ZMAT4: variants seen among roughly 807,000 people sequenced by gnomAD.
The protein encoded by ZMAT4 is zinc finger matrin-type 4, also known as zinc finger matrin-type protein 4.
Under a neutral mutation model 28.7 loss-of-function variants are expected in ZMAT4, and 17 were observed. The ratio of observed to expected loss-of-function variants is 0.59; its 90% CI spans 0.41 to 0.89. The LOEUF is 0.89. ZMAT4 is among the 40% of genes least tolerant of loss of function. The pLI is 0.00. For missense variants in ZMAT4, 240 were observed against 283.8 expected (o/e 0.85, Z 1.11); for synonymous variants, 117 against 109.2 (o/e 1.07, Z -0.44).
At chr8:40,561,807 G>C (rs1272031501) in intron 6 of ZMAT4, among the ~76,000 whole-genome samples, 3 of 152,154 alleles carry the variant, frequency 2.0e-5, no homozygotes, top group Non-Finnish European at 4.4e-5. Flanking sequence ...GCTATCATTA[G>C]TGTTCGTGTA....
At chr8:40,716,105 A>T (rs892733765) in intron 3 of ZMAT4, among the ~76,000 whole-genome samples, 1 of 152,226 alleles carries the variant, frequency 6.6e-6, no homozygotes, top group Non-Finnish European at 1.5e-5. Flanking sequence ...TAAAGAAAAG[A>T]TATAACTTTA....
At chr8:40,643,172 A>G (rs1807127363) in intron 5 of ZMAT4, among the ~76,000 whole-genome samples, 1 of 152,114 alleles carries the variant, frequency 6.6e-6, no homozygotes, top group Non-Finnish European at 1.5e-5. Context: ...GTGCCCACAC[A>G]CTAGATAAGA....
chr8:40,572,788 G>T (rs1053945549), intron 6 of ZMAT4, among the ~76,000 whole-genome samples: 2 of 152,112 alleles, frequency 1.3e-5, no homozygotes, highest in Non-Finnish European at 2.9e-5. Context: ...ACAATGGAGA[G>T]AAATTTGACT....
chr8:40,588,283 T>C (rs1327397584), intron 5 of ZMAT4, among the ~76,000 whole-genome samples: 2 of 152,018 alleles, frequency 1.3e-5, no homozygotes, highest in Non-Finnish European at 2.9e-5. Flanking sequence ...AATTAGATTT[T>C]ATAAAAAGCA....
chr8:40,843,379 G>T (rs577427797), intron 1 of ZMAT4, among the ~76,000 whole-genome samples: 1 of 152,278 alleles, frequency 6.6e-6, no homozygotes, highest in African/African-American at 2.4e-5. Flanking sequence ...CCCAGCAGGA[G>T]CTCATGGGGC....
At chr8:40,720,945 T>TTTTG (rs976713860) in intron 3 of ZMAT4, among the ~76,000 whole-genome samples, 1 of 148,684 alleles carries the variant, frequency 6.7e-6, no homozygotes, top group African/African-American at 2.5e-5. Context: ...GAAAGCTATT[T>TTTTG]TTTGTTTGTT....
intron 1 of ZMAT4, among the ~76,000 whole-genome samples, chr8:40,832,745 G>C (rs1001038577): frequency 6.6e-6 from 1 of 152,182 alleles, no homozygotes; most frequent in Admixed American, 6.5e-5. Context: ...GAGGCCTTCC[G>C]CTGTTGTTTA....
intron 2 of ZMAT4, among the ~76,000 whole-genome samples, chr8:40,769,426 C>T (rs1321534779): frequency 2.0e-5 from 3 of 152,158 alleles, no homozygotes; most frequent in African/African-American, 7.2e-5. Context: ...AGCTTACTAA[C>T]ATCTGTACAT....
chr8:40,892,077 C>G (rs1818712350), intron 1 of ZMAT4, among the ~76,000 whole-genome samples: 1 of 152,180 alleles, frequency 6.6e-6, no homozygotes, highest in African/African-American at 2.4e-5. Context: ...GCACTCTCCA[C>G]TGGGCCACCA....
chr8:40,606,576 G>T (rs1314740089), intron 5 of ZMAT4, among the ~76,000 whole-genome samples: 1 of 152,194 alleles, frequency 6.6e-6, no homozygotes, highest in Admixed American at 6.5e-5. Flanking sequence ...TTCCTTTACA[G>T]GTTACCTGAT....
At chr8:40,625,703 G>A (rs1432347468) in intron 5 of ZMAT4, among the ~76,000 whole-genome samples, 1 of 152,138 alleles carries the variant, frequency 6.6e-6, no homozygotes, top group African/African-American at 2.4e-5. Flanking sequence ...TTAAGGCTGA[G>A]ATATTTAGTA....
chr8:40,822,273 G>A (rs1204838382), intron 2 of ZMAT4, among the ~76,000 whole-genome samples: 2 of 152,194 alleles, frequency 1.3e-5, no homozygotes, highest in Non-Finnish European at 2.9e-5. Context: ...TATAGGTTCA[G>A]AATCCCCTGC....
chr8:40,611,994 C>T (rs933984468), intron 5 of ZMAT4, among the ~76,000 whole-genome samples: 2 of 152,092 alleles, frequency 1.3e-5, no homozygotes, highest in Non-Finnish European at 2.9e-5. Context: ...TGGAGTAGTC[C>T]AGCACATGGG....
chr8:40,536,904 GAA>G (rs33947310), intron 6 of ZMAT4, among the ~76,000 whole-genome samples: 8 of 143,710 alleles, frequency 5.6e-5, no homozygotes, highest in Non-Finnish European at 1.1e-4. Flanking sequence ...GGGGTTTGGA[GAA>G]AAAAAAAAAG....
intron 5 of ZMAT4, among the ~76,000 whole-genome samples, chr8:40,667,408 C>A (rs753056346): frequency 2.0e-5 from 3 of 152,208 alleles, no homozygotes; most frequent in Non-Finnish European, 4.4e-5. Context: ...CCCACCTTGG[C>A]CTCCCAAAGT....
chr8:40,694,957 C>A (rs1431972315), intron 4 of ZMAT4, among the ~76,000 whole-genome samples: 1 of 152,152 alleles, frequency 6.6e-6, no homozygotes, highest in Non-Finnish European at 1.5e-5. Flanking sequence ...AGGGTCCTGC[C>A]CCACACCCAG....
chr8:40,854,473 G>A (rs1220792961), intron 1 of ZMAT4, among the ~76,000 whole-genome samples: 2 of 152,206 alleles, frequency 1.3e-5, no homozygotes, highest in Non-Finnish European at 2.9e-5. Flanking sequence ...CCTCAGTGAT[G>A]ACAAAATGGA....
At chr8:40,602,436 GA>G (rs1277561285) in intron 5 of ZMAT4, among the ~76,000 whole-genome samples, 1 of 152,110 alleles carries the variant, frequency 6.6e-6, no homozygotes, top group Non-Finnish European at 1.5e-5. Flanking sequence ...ATTCTTTAAG[GA>G]ATCTCCACAC....
At chr8:40,596,871 T>C (rs144174375) in intron 5 of ZMAT4, among the ~76,000 whole-genome samples, 2 of 152,252 alleles carry the variant, frequency 1.3e-5, no homozygotes, top group African/African-American at 2.4e-5. Flanking sequence ...ACGAAGGCCA[T>C]AGGCACAGCA....
Sources: allele counts gnomAD v4.1 joint callset (sites outside exome capture counted in the v4.1 genomes callset), GRCh38; gene constraint gnomAD v4.1.1; transcripts MANE v1.5; gene names NCBI Gene and HGNC (gene_info 2026-07-23, HGNC 2026-07-21).